Variants in C12orf54 observed in about 807,000 individuals in gnomAD.
C12orf54 encodes the protein chromosome 12 open reading frame 54.
C12orf54 carries 24 observed loss-of-function variants against 26.4 expected under a neutral mutation model. That is an observed-to-expected ratio of 0.91 (90% CI 0.66 to 1.28). C12orf54 has a LOEUF of 1.28. C12orf54 is among the 50% of genes most tolerant of loss of function. C12orf54 has a pLI of 0.00. For synonymous variants in C12orf54, 54 were observed against 47.0 expected, an observed-to-expected ratio of 1.15 and a Z score of -0.61; for missense variants, 154 against 150.9, an observed-to-expected ratio of 1.02 and a Z score of -0.11.
At chr12:48,495,243 A>T (rs535415780) in intron 8 of C12orf54, among the ~76,000 whole-genome samples, 2 of 152,342 alleles carry the variant, frequency 1.3e-5, no homozygotes, top group Middle Eastern at 3.4e-3. Flanking sequence ...CAAAGATCCA[A>T]ACAGAGTGCA....
chr12:48,491,846 T>G (rs1033001850), intron 6 of C12orf54, among the ~76,000 whole-genome samples: 1 of 152,138 alleles, frequency 6.6e-6, no homozygotes, highest in African/African-American at 2.4e-5. Flanking sequence ...ACAAATCACC[T>G]GGGTCCCTTG....
intron 4 of C12orf54, chr12:48,488,494 A>AT (rs1565571798): frequency 2.6e-6 from 1 of 380,770 alleles, no homozygotes; most frequent in African/African-American, 2.3e-5. Context: ...AAAAAAAAAA[A>AT]AGAAAGAAAG....
intron 6 of C12orf54, 103 bp downstream of exon 6, chr12:48,490,939 A>G: frequency 1.4e-6 from 2 of 1,400,750 alleles, no homozygotes; most frequent in African/African-American, 2.8e-5. Context: ...AATGGAGATA[A>G]GAAGTGAGAT....
chr12:48,454,388 C>T, the C12orf54 span, among the ~76,000 whole-genome samples: 21 of 152,182 alleles, frequency 1.4e-4, no homozygotes, highest in South Asian at 2.9e-3. Flanking sequence ...CTTGAGCCAC[C>T]GCACCCGGCC....
the C12orf54 span, among the ~76,000 whole-genome samples, chr12:48,458,768 C>G: frequency 6.6e-6 from 1 of 151,358 alleles, no homozygotes; most frequent in Non-Finnish European, 1.5e-5. Context: ...CATACCTCAT[C>G]CTGATGGTAC....
chr12:48,495,059 T>A lies in C12orf54; in HGVS notation c.*40+80T>A, dbSNP rs1409196442. 2.8e-6 allele frequency: 3 copies of A among 1,079,264 alleles called. No homozygotes were observed. The African/African-American group carries it at 4.7e-5, about 17-fold the overall frequency. 66.9% of individuals were successfully genotyped at this position (1,079,264 alleles called of 1,614,324 possible). A position where few individuals can be genotyped will look rare whatever the true frequency, so the allele number is the denominator to read the frequency against. On this transcript the variant is annotated intron_variant, in intron 8 of 8. Transcript: ENST00000548364. ...TCAGGAACCCAGGCCTCTTAGGCCCTCATCCCAACATGGCAGGGCAGCACC... is the reference window on the plus strand; with the variant it reads ...TCAGGAACCCAGGCCTCTTAGGCCCACATCCCAACATGGCAGGGCAGCACC...
At chr12:48,477,496 C>G in the C12orf54 span, among the ~76,000 whole-genome samples, 1 of 152,072 alleles carries the variant, frequency 6.6e-6, no homozygotes, top group Non-Finnish European at 1.5e-5. Context: ...TGATAGACCT[C>G]TAGCAAGACT....
chr12:48,486,485 G>C, intron 3 of C12orf54: 2 of 637,390 alleles, frequency 3.1e-6, no homozygotes, highest in Non-Finnish European at 5.6e-6. Context: ...GCACCAGCTA[G>C]ATCCAGAGCG....
rs11168602 is a variant in C12orf54, at chr12:48,494,993, G to A, written c.*40+14G>A. On this transcript the variant is annotated intron_variant, in intron 8 of 8. Transcript: ENST00000548364. ...TGCTTCCGCCAGGTGCTTTACCCAA[G>A]CAGCCTTTCCCCTGAGCTCCACCCT... 1 of 1,576,954 alleles carries A rather than the reference G, an allele frequency of 6.3e-7. No individual in the cohort carries two copies. The highest frequency in any genetic ancestry group is 2.2e-5 in the East Asian group (1 of 44,680).
the C12orf54 span, among the ~76,000 whole-genome samples, chr12:48,416,820 C>G: frequency 6.6e-6 from 1 of 151,934 alleles, no homozygotes; most frequent in East Asian, 1.9e-4. Flanking sequence ...CTAGATTGTG[C>G]CACTGCACTC....
the C12orf54 span, among the ~76,000 whole-genome samples, chr12:48,416,228 T>C: frequency 6.6e-6 from 1 of 152,240 alleles, no homozygotes. Flanking sequence ...GAGTAATCTT[T>C]CAAAACTCTC....
the C12orf54 span, among the ~76,000 whole-genome samples, chr12:48,433,142 A>G: frequency 6.6e-6 from 1 of 152,264 alleles, no homozygotes; most frequent in Admixed American, 6.5e-5. Context: ...TTTATGTGTG[A>G]CCTTTATCAA....
At chr12:48,483,043 C>T (rs118049652) in intron 1 of C12orf54, among the ~76,000 whole-genome samples, 197 bp from the exon 2 acceptor site, 2,664 of 152,156 alleles carry the variant, frequency 0.018, 35 homozygotes, top group Non-Finnish European at 0.026. Context: ...CCTCCTCTTA[C>T]CTTCATCTTT....
At chr12:48,436,267 G>A in the C12orf54 span, among the ~76,000 whole-genome samples, 1 of 152,094 alleles carries the variant, frequency 6.6e-6, no homozygotes, top group South Asian at 2.1e-4. Context: ...AGCAAGTCCT[G>A]AGTGACCTAC....
intron 7 of C12orf54, among the ~76,000 whole-genome samples, chr12:48,493,278 GA>G (rs1446061882): frequency 6.6e-6 from 1 of 152,138 alleles, no homozygotes; most frequent in African/African-American, 2.4e-5. Context: ...TCAATTGAGG[GA>G]ATAAGGGAAC....
At chr12:48,488,590 T>C in intron 4 of C12orf54, 1 of 395,276 alleles carries the variant, frequency 2.5e-6, no homozygotes, top group Non-Finnish European at 4.6e-6. Context: ...TTGATTTGAA[T>C]ACCTATGCTA....
chr12:48,432,016 G>A, the C12orf54 span, among the ~76,000 whole-genome samples: 1 of 152,094 alleles, frequency 6.6e-6, no homozygotes, highest in Non-Finnish European at 1.5e-5. Context: ...TGGAGTGAAT[G>A]CAATAAAAAA....
At chr12:48,492,125 A>T (rs1439681791) in intron 6 of C12orf54, among the ~76,000 whole-genome samples, 2 of 152,160 alleles carry the variant, frequency 1.3e-5, no homozygotes, top group Non-Finnish European at 2.9e-5. Context: ...GGAAATCTGG[A>T]GATTCTGACT....
chr12:48,472,958 C>A, the C12orf54 span: 1 of 1,614,066 alleles, frequency 6.2e-7, no homozygotes, highest in Non-Finnish European at 8.5e-7. Flanking sequence ...TAAGTGGCAA[C>A]AAAATTAAAG....
Sources: allele counts gnomAD v4.1 joint callset (sites outside exome capture counted in the v4.1 genomes callset), GRCh38; gene constraint gnomAD v4.1.1; transcripts MANE v1.5; gene names NCBI Gene and HGNC (gene_info 2026-07-23, HGNC 2026-07-21).